Variants in FUNDC2 observed in about 807,000 individuals in gnomAD.
FUNDC2 encodes FUN14 domain containing 2.
FUNDC2 carries 4 observed loss-of-function variants against 15.6 expected under a neutral mutation model. That is an observed-to-expected ratio of 0.26 (90% CI 0.13 to 0.59). The LOEUF (loss-of-function observed/expected upper bound fraction) is 0.59, where lower values mean the gene tolerates loss of function less well. Ranked by LOEUF, FUNDC2 falls within the 20% of genes least tolerant of loss-of-function variation. The pLI is 0.90. For synonymous variants in FUNDC2, 44 were observed against 56.9 expected (o/e 0.77, Z 1.02); for missense variants, 98 against 149.7 (o/e 0.65, Z 1.80).
At chrX:155,054,087 T>C in intron 4 of FUNDC2, 1 of 753,000 alleles carries the variant, frequency 1.3e-6, no homozygotes, top group African/African-American at 2.3e-5. Context: ...AATGAGAATT[T>C]ATAGCATCTA....
At chrX:155,029,160 C>T (rs149004233) in intron 1 of FUNDC2, among the ~76,000 whole-genome samples, 1 of 111,655 alleles carries the variant, frequency 9.0e-6, no homozygotes, top group African/African-American at 3.3e-5. Flanking sequence ...GAACTCAGCT[C>T]CTATGCTGTA....
At chrX:155,028,164 A>T (rs1298716760) in intron 1 of FUNDC2, among the ~76,000 whole-genome samples, 1 of 108,112 alleles carries the variant, frequency 9.2e-6, no homozygotes, top group African/African-American at 3.3e-5. Context: ...AGAAATTTTG[A>T]GGTTAAGATG....
At chrX:155,032,579 C>T (rs2073819333) in intron 1 of FUNDC2, among the ~76,000 whole-genome samples, 1 of 109,777 alleles carries the variant, frequency 9.1e-6, no homozygotes, top group Non-Finnish European at 1.9e-5. Context: ...GCCTGGCCTT[C>T]ATTTCTTAAT....
Position 155,026,908 on chromosome X carries a change from C to G in FUNDC2, c.-31C>G, listed in dbSNP as rs200756698. On this transcript the variant is annotated 5_prime_UTR_variant, in exon 1 of 5. Coordinates refer to ENST00000369498, the MANE Select transcript of FUNDC2 (RefSeq NM_023934.4). ...AGACTGCAAGCAGCCGCGGCGCGCC[C>G]GGCCCTCCCTCTTCCGCTGCCGCCG... is the stretch of plus-strand genomic sequence containing the variant. 2.3e-4 allele frequency: 263 copies of G among 1,168,468 alleles called. 3 individuals are homozygous for G. In the Middle Eastern group the frequency reaches 2.4e-3, roughly 11 times the overall value.
At chrX:155,048,790 C>T (rs1028602062) in intron 3 of FUNDC2, among the ~76,000 whole-genome samples, 6 of 111,942 alleles carry the variant, frequency 5.4e-5, no homozygotes, top group African/African-American at 1.6e-4. Context: ...ATTATTTTTC[C>T]GTATAGATCT....
Position 155,033,405 on chromosome X carries a change from A to G in FUNDC2, c.136A>G (p.Asn46Asp). 8.3e-7 allele frequency: 1 copy of G among 1,202,843 alleles called. No individual in the cohort carries two copies. The highest frequency in any genetic ancestry group is 1.1e-6 in the Non-Finnish European group (1 of 888,456). ...ATTTAACGTATTACTTCTTGTAGGAAACTTTGAGGGAAATTTTGAGTCACT... is the reference window on the plus strand; with the variant it reads ...ATTTAACGTATTACTTCTTGTAGGAGACTTTGAGGGAAATTTTGAGTCACT... ...LTEMAASSQG[N>D]FEGNFESLDL... Residue 46 changes from asparagine to aspartate, a missense_variant and splice_region_variant, in exon 2 of 5, where the codon AAC (asparagine) becomes GAC (aspartate). Physicochemically the swap from Asn to Asp is conservative, Grantham distance 23. Transcript: ENST00000369498.
At position 155,057,976 on chromosome X, in the gene FUNDC2, G is replaced by A. The variant is rs1306245116; in HGVS notation, c.*3304G>A. 4 of 111,549 alleles carry A rather than the reference G, an allele frequency of 3.6e-5. No individual in the cohort carries two copies. In the East Asian group the frequency reaches 1.1e-3, roughly 31 times the overall value. 9.2% of individuals were successfully genotyped at this position (111,549 alleles called of 1,213,427 possible). ...GGAGCTGGGTGCGGGGAGAGATGTG[G>A]TGGTGGGGACCCTTGCCTGAGCAGC... On this transcript the variant is annotated 3_prime_UTR_variant, in exon 5 of 5. Transcript: ENST00000369498.
rs1364812591 is a variant in FUNDC2 at position 155,033,552 on chromosome X, T to C, written c.283T>C (p.Trp95Arg). ...TQLFIGGVTGWCTGFIFQKVG... is the reference protein window; with the variant it reads ...TQLFIGGVTGRCTGFIFQKVG... ...GCTGTTCATTGGAGGTGTCACTGGA[T>C]GGTAAGTGATGTGAAAGATGTCCAC... Residue 95 changes from tryptophan (W) to arginine (R), a missense_variant and splice_region_variant, in exon 2 of 5, where the codon TGG (tryptophan) becomes CGG (arginine). Trp to Arg is a moderately radical substitution (Grantham distance 101, BLOSUM62 -3). Transcript: ENST00000369498. The C allele has an allele frequency of 1.7e-6, 2 of 1,205,594 alleles. No homozygotes were observed. Among genetic ancestry groups the C allele is most frequent in the African/African-American group, 3.5e-5 (2 of 57,166 alleles).
At position 155,057,399 on chromosome X, in the gene FUNDC2, G is replaced by GC. The variant is rs2073910366; in HGVS notation, c.*2727_*2728insC. 1 of 111,516 alleles carries GC rather than the reference G, an allele frequency of 9.0e-6. No homozygotes were observed. Among genetic ancestry groups the GC allele is most frequent in the Non-Finnish European group, 1.9e-5 (1 of 52,619 alleles). The allele number at this position is 111,516 out of a possible 1,213,427, so 9.2% of individuals were successfully genotyped here. A position where few individuals can be genotyped will look rare whatever the true frequency, so the allele number is the denominator to read the frequency against. On this transcript the variant is annotated 3_prime_UTR_variant, in exon 5 of 5. Transcript: ENST00000369498. ...CTTAGCTAGGCACGTATTTTCTCCAGTAGCAGAGTCCAATGACGCTCTGGA... is the reference window on the plus strand; with the variant it reads ...CTTAGCTAGGCACGTATTTTCTCCAGCTAGCAGAGTCCAATGACGCTCTGGA...
intron 2 of FUNDC2, among the ~76,000 whole-genome samples, chrX:155,044,610 ATGCTT>A (rs2073856809): frequency 8.9e-6 from 1 of 112,313 alleles, no homozygotes; most frequent in African/African-American, 3.2e-5. Flanking sequence ...ATATGAAAAG[ATGCTT>A]AGCATCATCA....
intron 1 of FUNDC2, among the ~76,000 whole-genome samples, chrX:155,030,751 T>C (rs1455135887): frequency 9.5e-6 from 1 of 104,832 alleles, no homozygotes; most frequent in Non-Finnish European, 2.0e-5. Flanking sequence ...AGTGGTCTGA[T>C]CTCGGCTCAC....
Position 155,055,433 on chromosome X carries a change from C to G in FUNDC2, c.*761C>G, listed in dbSNP as rs1297921051. On this transcript the variant is annotated 3_prime_UTR_variant, in exon 5 of 5. Coordinates refer to ENST00000369498, the MANE Select transcript of FUNDC2 (RefSeq NM_023934.4). ...AGGGGTGGCCATAACTCCTCTGTGCCACTTCTACTATTTTTTTTTTTAATC... is the reference window on the plus strand; with the variant it reads ...AGGGGTGGCCATAACTCCTCTGTGCGACTTCTACTATTTTTTTTTTTAATC... 49 of 290,348 alleles carry G rather than the reference C, an allele frequency of 1.7e-4. No homozygotes were observed. The East Asian group carries it at 2.4e-3, about 14-fold the overall frequency. 23.9% of individuals were successfully genotyped at this position (290,348 alleles called of 1,213,427 possible).
chrX:155,032,230 C>T (rs1319283212), intron 1 of FUNDC2, among the ~76,000 whole-genome samples: 2 of 109,152 alleles, frequency 1.8e-5, no homozygotes, highest in Non-Finnish European at 3.8e-5. Flanking sequence ...CCCACCTTGG[C>T]CTCCCAAGGT....
At chrX:155,031,148 C>A (rs944860789) in intron 1 of FUNDC2, among the ~76,000 whole-genome samples, 23 of 111,622 alleles carry the variant, frequency 2.1e-4, no homozygotes, top group African/African-American at 4.6e-4. Flanking sequence ...CATGTGGCAT[C>A]ATTTCTTGTC....
At chrX:155,036,733 ACTGT>A (rs2073831623) in intron 2 of FUNDC2, among the ~76,000 whole-genome samples, 1 of 111,014 alleles carries the variant, frequency 9.0e-6, no homozygotes, top group Admixed American at 9.7e-5. Flanking sequence ...TAAAAAAAAG[ACTGT>A]CTTTTTCTCC....
At chrX:155,028,899 CCT>C in intron 1 of FUNDC2, among the ~76,000 whole-genome samples, 2 of 111,735 alleles carry the variant, frequency 1.8e-5, no homozygotes, top group Middle Eastern at 9.3e-3. Flanking sequence ...CTTGAACCCT[CCT>C]CTTTCCCTTG....
chrX:155,043,469 A>G (rs782563881), intron 2 of FUNDC2, among the ~76,000 whole-genome samples: 1 of 111,403 alleles, frequency 9.0e-6, no homozygotes, highest in African/African-American at 3.3e-5. Flanking sequence ...GATATTATGA[A>G]TTTTACTTCA....
intron 2 of FUNDC2, among the ~76,000 whole-genome samples, chrX:155,041,216 G>A (rs376684201): frequency 4.5e-5 from 5 of 111,430 alleles, no homozygotes; most frequent in Admixed American, 9.5e-5. Flanking sequence ...TCTTCTACTC[G>A]TAGTCTGCCT....
intron 1 of FUNDC2, among the ~76,000 whole-genome samples, chrX:155,028,924 C>T (rs947023132): frequency 2.7e-5 from 3 of 111,626 alleles, no homozygotes; most frequent in East Asian, 5.6e-4. Context: ...CGCCTCCGCC[C>T]CCAGGATTAT....
Sources: gnomAD v4.1 joint callset for allele counts (sites outside exome capture counted in the v4.1 genomes callset) on GRCh38, gnomAD v4.1.1 for gene constraint, MANE v1.5 for transcripts, NCBI Gene and HGNC (gene_info 2026-07-23, HGNC 2026-07-21) for gene names.